The following HERC2 variants were observed in gnomAD, a reference collection of about 807,000 sequenced individuals.
HERC2 encodes the protein E3 ubiquitin-protein ligase HERC2.
Under a neutral mutation model 537.7 loss-of-function variants are expected in HERC2, and 102 were observed. The ratio of observed to expected loss-of-function variants is 0.19; its 90% CI spans 0.16 to 0.22. The LOEUF (loss-of-function observed/expected upper bound fraction) is 0.22. Among genes scored for constraint, HERC2 ranks in the 10% least tolerant of loss-of-function variants. The pLI is 1.00. For missense variants in HERC2, 4,236 were observed against 6,198.2 expected, an observed-to-expected ratio of 0.68 and a Z score of 10.63; for synonymous variants, 2,224 against 2,466.2, an observed-to-expected ratio of 0.90 and a Z score of 2.91.
chr15:28,254,821 G>A (rs1368507156), intron 19 of HERC2, among the ~76,000 whole-genome samples: 2 of 152,194 alleles, frequency 1.3e-5, no homozygotes, highest in African/African-American at 4.8e-5. Flanking sequence ...CCAATGTGAT[G>A]TGCCCCACAC....
At chr15:28,230,741 C>CTCT (rs1901746299) in intron 30 of HERC2, among the ~76,000 whole-genome samples, 2 of 151,742 alleles carry the variant, frequency 1.3e-5, no homozygotes, top group South Asian at 4.2e-4. Flanking sequence ...AGCCAGCAAG[C>CTCT]TCTTCCTCAA....
At position 28,146,315 on chromosome 15, in the gene HERC2, G is replaced by A. The variant is rs755864937; in HGVS notation, c.10930C>T (p.Arg3644Trp). 25 of 1,613,818 alleles carry A rather than the reference G, an allele frequency of 1.5e-5. No individual in the cohort carries two copies. The highest frequency in any genetic ancestry group is 4.5e-5 in the East Asian group (2 of 44,872). The change falls in exon 71 of 93, where the codon CGG becomes TGG. Residue 3644 changes from arginine (R) to tryptophan (W), a missense_variant. Coordinates refer to ENST00000261609, the MANE Select transcript of HERC2 (RefSeq NM_004667.6). ...TGGCGCCTCTCTGTGGAGCACTGCC[G>A]GTCAAATTCTACCCTGAGTCCTTCT... The part of the protein sequence containing the change: ...GAEGLRVEFD[R>W]QCSTERRHDP...
chr15:28,220,426 A>G (rs750465143), intron 37 of HERC2, 26 bp downstream of exon 37: 4 of 1,602,592 alleles, frequency 2.5e-6, no homozygotes, highest in Non-Finnish European at 2.6e-6. Flanking sequence ...GCTGCCTTGG[A>G]CTAAACACCT....
chr15:28,155,879 G>C (rs545860040), intron 69 of HERC2, among the ~76,000 whole-genome samples: 71 of 152,160 alleles, frequency 4.7e-4, no homozygotes, highest in South Asian at 4.4e-3. Context: ...CTTCTTCTAG[G>C]GTTTTTATGG....
At chr15:28,261,878 T>G (rs1360884919) in intron 15 of HERC2, among the ~76,000 whole-genome samples, 1 of 152,138 alleles carries the variant, frequency 6.6e-6, no homozygotes, top group African/African-American at 2.4e-5. Flanking sequence ...AAGTCCCACT[T>G]CCAAACCCAC....
chr15:28,156,100 C>T (rs1338945381), intron 69 of HERC2, among the ~76,000 whole-genome samples: 4 of 152,152 alleles, frequency 2.6e-5, no homozygotes, highest in Non-Finnish European at 5.9e-5. Context: ...TCTGAGGGCT[C>T]TGTTCTGTTC....
At chr15:28,245,288 TG>T (rs1175539223) in intron 23 of HERC2, among the ~76,000 whole-genome samples, 1 of 152,180 alleles carries the variant, frequency 6.6e-6, no homozygotes, top group Non-Finnish European at 1.5e-5. Flanking sequence ...GGCTCATTCC[TG>T]TAATCCCAGC....
chr15:28,249,073 T>C (rs1463614861), intron 20 of HERC2, among the ~76,000 whole-genome samples: 1 of 152,202 alleles, frequency 6.6e-6, no homozygotes, highest in Non-Finnish European at 1.5e-5. Context: ...ATGTAAACAT[T>C]AAGACAACGA....
chr15:28,317,629 TG>T (rs2077124508), intron 2 of HERC2, among the ~76,000 whole-genome samples: 1 of 152,106 alleles, frequency 6.6e-6, no homozygotes, highest in South Asian at 2.1e-4. Context: ...AACAGATTAG[TG>T]GTTGTCAGGA....
At chr15:28,236,416 G>T (rs377605106) in intron 26 of HERC2, among the ~76,000 whole-genome samples, 2 of 151,688 alleles carry the variant, frequency 1.3e-5, no homozygotes, top group African/African-American at 4.8e-5. Flanking sequence ...TCAGCCTCCC[G>T]AGTAACTGGG....
At chr15:28,138,928 G>C (rs1890917452) in intron 78 of HERC2, among the ~76,000 whole-genome samples, 1 of 152,170 alleles carries the variant, frequency 6.6e-6, no homozygotes, top group South Asian at 2.1e-4. Context: ...ACAGGGATTT[G>C]GAAGAAGTGG....
intron 37 of HERC2, among the ~76,000 whole-genome samples, 194 bp downstream of exon 37, chr15:28,220,258 G>A (rs1247969557): frequency 3.3e-5 from 5 of 152,174 alleles, no homozygotes; most frequent in South Asian, 4.1e-4. Flanking sequence ...CCAGATCGCC[G>A]GATCCCACAG....
At chr15:28,225,452 C>T (rs1901026647) in intron 35 of HERC2, among the ~76,000 whole-genome samples, 1 of 151,972 alleles carries the variant, frequency 6.6e-6, no homozygotes, top group Non-Finnish European at 1.5e-5. Flanking sequence ...AATCCCAGCA[C>T]TTTGGGGAGC....
intron 78 of HERC2, among the ~76,000 whole-genome samples, chr15:28,140,067 C>CAA (rs879713576): frequency 2.6e-5 from 3 of 114,822 alleles, no homozygotes; most frequent in African/African-American, 3.2e-5. Context: ...GACTCTGTCT[C>CAA]AAAAAAAAAA....
At chr15:28,125,585 C>T (rs568521537) in intron 83 of HERC2, among the ~76,000 whole-genome samples, 1 of 152,312 alleles carries the variant, frequency 6.6e-6, no homozygotes, top group East Asian at 1.9e-4. Flanking sequence ...ATCCCAAATC[C>T]ATCTAATATT....
At chr15:28,254,215 G>A (rs1347558711) in intron 20 of HERC2, 125 bp downstream of exon 20, 62 of 619,560 alleles carry the variant, frequency 1.0e-4, no homozygotes, top group South Asian at 7.8e-4. Flanking sequence ...CCTGGGAGGC[G>A]GAGCTTGCAG....
chr15:28,282,219 G>A (rs567323198), intron 4 of HERC2, among the ~76,000 whole-genome samples: 1 of 152,278 alleles, frequency 6.6e-6, no homozygotes, highest in South Asian at 2.1e-4. Flanking sequence ...GTCACAGAAA[G>A]ATTTAACCAC....
chr15:28,135,802 A>C lies in HERC2; in HGVS notation c.12016-110T>G, dbSNP rs146607491. On this transcript the variant is annotated intron_variant, in intron 78 of 92. Coordinates refer to ENST00000261609, the MANE Select transcript of HERC2 (RefSeq NM_004667.6). ...TTAGACATTTTTACCACATAGAAAT[A>C]AAATTTAAAGTTAAAAATCTCAGGA... The C allele has an allele frequency of 4.1e-4, 318 of 777,178 alleles. 1 individual carries two copies. The East Asian group carries it at 8.4e-3, about 21-fold the overall frequency. The allele number at this position is 777,178 out of a possible 1,614,324, so 48.1% of individuals were successfully genotyped here.
At chr15:28,271,123 T>C (rs575678604) in intron 9 of HERC2, among the ~76,000 whole-genome samples, 1 of 152,214 alleles carries the variant, frequency 6.6e-6, no homozygotes, top group Non-Finnish European at 1.5e-5. Context: ...ACAGGTAAGA[T>C]GGATCCACAC....
Sources: allele counts gnomAD v4.1 joint callset (sites outside exome capture counted in the v4.1 genomes callset), GRCh38; gene constraint gnomAD v4.1.1; transcripts MANE v1.5; gene names NCBI Gene and HGNC (gene_info 2026-07-23, HGNC 2026-07-21).